Variants in NTRK3 observed in about 807,000 individuals in gnomAD.
The protein encoded by NTRK3 is NT-3 growth factor receptor.
NTRK3 carries 24 observed loss-of-function variants against 91.7 expected under a neutral mutation model. The observed-to-expected ratio is 0.26, with a 90% confidence interval of 0.19 to 0.37. NTRK3 has a LOEUF of 0.37. NTRK3 is among the 10% of genes least tolerant of loss of function. NTRK3 has a pLI of 1.00. For missense variants in NTRK3, 880 were observed against 1,068.9 expected (o/e 0.82, Z 2.46); for synonymous variants, 483 against 404.0 (o/e 1.20, Z -2.34).
intron 5 of NTRK3, among the ~76,000 whole-genome samples, chr15:88,149,840 A>G (rs1232791287): frequency 6.6e-6 from 1 of 152,196 alleles, no homozygotes; most frequent in African/African-American, 2.4e-5. Context: ...GGCCTTTATG[A>G]GGTTTTATTA....
rs978917381 is a variant in NTRK3 at position 88,241,483 on chromosome 15, G to A, written c.248+14423C>T. The stretch of plus-strand genomic sequence containing the variant: ...CCCTAGATGCAAATCAGGGAGTCAT[G>A]AGGTCACTCTCCTGCCACTTCTGCT... On this transcript the variant is annotated intron_variant, in intron 3 of 18. Transcript: ENST00000394480. This position sits in a 1 kb window ranked among gnomAD's most constrained non-coding sequence, Gnocchi z 4.3. Among the ~76,000 whole-genome samples, 3 of 152,134 alleles carry A rather than the reference G, an allele frequency of 2.0e-5. No individual in the cohort carries two copies. Among genetic ancestry groups the A allele is most frequent in the African/African-American group, 7.2e-5 (3 of 41,414 alleles).
intron 13 of NTRK3, among the ~76,000 whole-genome samples, chr15:88,070,206 C>T (rs576093399): frequency 3.9e-5 from 6 of 152,152 alleles, no homozygotes; most frequent in Non-Finnish European, 8.8e-5. Context: ...AAGGTAAAGA[C>T]TAGAAGGAGA....
At chr15:88,152,412 G>T (rs2043469219) in intron 5 of NTRK3, among the ~76,000 whole-genome samples, 1 of 152,180 alleles carries the variant, frequency 6.6e-6, no homozygotes, top group South Asian at 2.1e-4. Flanking sequence ...CATATGGGTG[G>T]TCCTTAATCC....
At chr15:88,174,499 C>T (rs1377200050) in intron 5 of NTRK3, among the ~76,000 whole-genome samples, 1 of 152,202 alleles carries the variant, frequency 6.6e-6, no homozygotes, top group African/African-American at 2.4e-5. Flanking sequence ...AAGCCTCCCA[C>T]ATCATTCACT....
At chr15:87,888,916 C>T (rs1399131863) in intron 17 of NTRK3, among the ~76,000 whole-genome samples, 5 of 152,172 alleles carry the variant, frequency 3.3e-5, no homozygotes. Context: ...GCTTTCTGCA[C>T]GTGTGCAGGC....
chr15:87,910,210 G>C (rs999949990), intron 17 of NTRK3, among the ~76,000 whole-genome samples: 5 of 152,174 alleles, frequency 3.3e-5, no homozygotes, highest in Non-Finnish European at 4.4e-5. Flanking sequence ...GGAGGGATGA[G>C]GAAGTTCGAG....
chr15:88,111,363 A>G (rs2051335682), intron 13 of NTRK3, among the ~76,000 whole-genome samples: 1 of 152,200 alleles, frequency 6.6e-6, no homozygotes, highest in South Asian at 2.1e-4. Flanking sequence ...AAGGGGTGGG[A>G]GAGTGGATTA....
chr15:88,164,071 T>C (rs1024340747), intron 5 of NTRK3, among the ~76,000 whole-genome samples: 2 of 152,204 alleles, frequency 1.3e-5, no homozygotes, highest in African/African-American at 4.8e-5. Flanking sequence ...GTGTACTGGG[T>C]GTATGGGGTG....
intron 13 of NTRK3, among the ~76,000 whole-genome samples, chr15:88,060,380 T>A (rs2046104478): frequency 9.7e-6 from 1 of 103,098 alleles, no homozygotes; most frequent in Non-Finnish European, 1.8e-5. Flanking sequence ...TGAGACTCCA[T>A]CTCAAAAAAA....
chr15:87,967,502 A>G (rs189273755), intron 14 of NTRK3, among the ~76,000 whole-genome samples: 26 of 152,206 alleles, frequency 1.7e-4, no homozygotes, highest in Non-Finnish European at 3.5e-4. Context: ...CGAGCCTCAC[A>G]TGTTCCTTAA....
intron 3 of NTRK3, among the ~76,000 whole-genome samples, chr15:88,206,965 C>G (rs2048846438): frequency 6.6e-6 from 1 of 152,214 alleles, no homozygotes; most frequent in African/African-American, 2.4e-5. Context: ...CAGGGACCCC[C>G]AGGCCCAGGC....
At chr15:87,860,587 C>G (rs2064499684) in exon 19 of NTRK3, 1 of 205,134 alleles carries the variant, frequency 4.9e-6, no homozygotes, top group Non-Finnish European at 1.0e-5. Context: ...GATTGATTCT[C>G]CAAGACTCGC....
intron 13 of NTRK3, among the ~76,000 whole-genome samples, chr15:88,041,424 A>G (rs2079598736): frequency 6.6e-6 from 1 of 152,200 alleles, no homozygotes; most frequent in South Asian, 2.1e-4. Flanking sequence ...CTAGGACTGC[A>G]GTTTTGTGGA....
chr15:88,058,926 G>T (rs2045960893), intron 13 of NTRK3, among the ~76,000 whole-genome samples: 1 of 152,180 alleles, frequency 6.6e-6, no homozygotes, highest in African/African-American at 2.4e-5. Flanking sequence ...AGAGAAAAAT[G>T]TGGTACTCTA....
At chr15:88,092,655 AT>A (rs1274033954) in intron 13 of NTRK3, among the ~76,000 whole-genome samples, 1 of 152,222 alleles carries the variant, frequency 6.6e-6, no homozygotes, top group African/African-American at 2.4e-5. Flanking sequence ...GGCAATCAGT[AT>A]TGCTGTTCTG....
chr15:88,183,303 C>A, intron 5 of NTRK3, 115 bp downstream of exon 5: 2 of 1,009,022 alleles, frequency 2.0e-6, no homozygotes, highest in South Asian at 2.6e-5. Context: ...AGTTCAAAAC[C>A]TTGCCCAAGA....
intron 6 of NTRK3, among the ~76,000 whole-genome samples, chr15:88,138,566 C>A (rs1016823459): frequency 2.0e-5 from 3 of 152,192 alleles, no homozygotes; most frequent in Non-Finnish European, 2.9e-5. Context: ...ACTCCCTCCT[C>A]CTCTTCAGCC....
At chr15:87,939,589 G>T (rs566521319) in intron 15 of NTRK3, among the ~76,000 whole-genome samples, 21 of 152,282 alleles carry the variant, frequency 1.4e-4, no homozygotes, top group African/African-American at 4.8e-4. Context: ...GAAGAAACAG[G>T]AACTGCATTT....
chr15:88,072,449 G>A (rs898207004), intron 13 of NTRK3: 1 of 227,724 alleles, frequency 4.4e-6, no homozygotes, highest in Non-Finnish European at 8.7e-6. Flanking sequence ...AATTTATTCC[G>A]GAGAGGGAGA....
Sources: gnomAD v4.1 joint callset for allele counts (sites outside exome capture counted in the v4.1 genomes callset) on GRCh38, gnomAD v4.1.1 for gene constraint, Gnocchi (gnomAD v3.1) non-coding constraint, MANE v1.5 for transcripts, NCBI Gene and HGNC (gene_info 2026-07-23, HGNC 2026-07-21) for gene names.